MMP16: variants seen among roughly 807,000 people sequenced by gnomAD.
MMP16 encodes matrix metalloproteinase-16.
Under a neutral mutation model 67.8 loss-of-function variants are expected in MMP16, and 12 were observed. The ratio of observed to expected loss-of-function variants is 0.18; its 90% CI spans 0.11 to 0.29. The LOEUF is 0.29. Among genes scored for constraint, MMP16 ranks in the 10% least tolerant of loss-of-function variants. The pLI is 1.00. For synonymous variants in MMP16, 249 were observed against 255.9 expected, an observed-to-expected ratio of 0.97 and a Z score of 0.26; for missense variants, 475 against 765.7, an observed-to-expected ratio of 0.62 and a Z score of 4.48.
chr8:88,272,665 G>A (rs1810582670), intron 1 of MMP16, among the ~76,000 whole-genome samples: 1 of 152,214 alleles, frequency 6.6e-6, no homozygotes, highest in Non-Finnish European at 1.5e-5. Flanking sequence ...CAAGGAACGG[G>A]AAAGTGGCCA....
chr8:88,084,476 A>T (rs1353720283), intron 6 of MMP16, among the ~76,000 whole-genome samples: 1 of 152,002 alleles, frequency 6.6e-6, no homozygotes, highest in Non-Finnish European at 1.5e-5. Flanking sequence ...GGAAAAAAAA[A>T]GAAAAGAGGC....
At chr8:88,088,385 G>A (rs1193939640) in intron 6 of MMP16, among the ~76,000 whole-genome samples, 1 of 151,842 alleles carries the variant, frequency 6.6e-6, no homozygotes, top group African/African-American at 2.4e-5. Context: ...TGTGCCATAG[G>A]GAAAGACTTT....
intron 6 of MMP16, among the ~76,000 whole-genome samples, chr8:88,092,834 G>A (rs964705054): frequency 6.6e-6 from 1 of 151,656 alleles, no homozygotes; most frequent in Non-Finnish European, 1.5e-5. Context: ...TATTGTATGT[G>A]TAAGTATACC....
chr8:88,107,151 C>G (rs1191795320), intron 6 of MMP16, among the ~76,000 whole-genome samples: 3 of 151,046 alleles, frequency 2.0e-5, no homozygotes, highest in African/African-American at 7.3e-5. Flanking sequence ...AAATGTCATC[C>G]AATTTTAAAT....
Position 88,130,759 on chromosome 8 carries a change from CGTGTGTGTGT to C in MMP16, c.710-11908_710-11899del, listed in dbSNP as rs112295025. Among the ~76,000 whole-genome samples the C allele has an allele frequency of 2.6e-3, 386 of 146,752 alleles. 2 individuals are homozygous for C. The highest frequency in any genetic ancestry group is 9.3e-3 in the African/African-American group (375 of 40,250). On this transcript the variant is annotated intron_variant, in intron 4 of 9. Coordinates refer to ENST00000286614, the MANE Select transcript of MMP16 (RefSeq NM_005941.5). ...CATAACCTAAATGTCTTGTGAAATACGTGTGTGTGTGTGTGTGTGTGTGTGTGTGTGGTTT... is the reference window on the plus strand; with the variant it reads ...CATAACCTAAATGTCTTGTGAAATACGTGTGTGTGTGTGTGTGTGTGGTTT...
chr8:88,223,580 AC>A, intron 1 of MMP16, among the ~76,000 whole-genome samples: 1 of 151,272 alleles, frequency 6.6e-6, no homozygotes, highest in Admixed American at 6.6e-5. Context: ...TTCTGAGCAA[AC>A]TATGGCAAGG....
intron 2 of MMP16, among the ~76,000 whole-genome samples, chr8:88,195,498 A>G (rs1809235152): frequency 6.6e-6 from 1 of 152,228 alleles, no homozygotes; most frequent in South Asian, 2.1e-4. Context: ...AGCACTTTGT[A>G]AAATGCTGTG....
At chr8:88,157,982 C>T (rs1808542959) in intron 4 of MMP16, among the ~76,000 whole-genome samples, 1 of 152,146 alleles carries the variant, frequency 6.6e-6, no homozygotes, top group African/African-American at 2.4e-5. Context: ...TCATCCATGT[C>T]CCTACAAAGG....
chr8:88,160,585 A>C (rs183113545), intron 4 of MMP16, among the ~76,000 whole-genome samples: 19 of 152,242 alleles, frequency 1.2e-4, no homozygotes, highest in Non-Finnish European at 2.4e-4. Flanking sequence ...ATGATGAGAT[A>C]CCACCTCGCA....
rs535861182 is a variant in MMP16, at chr8:88,039,177, AAG to A, written c.*2282_*2283del. On this transcript the variant is annotated 3_prime_UTR_variant, in exon 10 of 10. Transcript: ENST00000286614. This position sits in a 1 kb window ranked among gnomAD's most constrained non-coding sequence, Gnocchi z 4.5. ...TGGAAATGTGTATTAGCAAATGAGT[AAG>A]AAATTTTTACTAGTATAAAATTCCT... 1.0e-4 allele frequency: 16 copies of A among 152,620 alleles called. No individual in the cohort carries two copies. The highest frequency in any genetic ancestry group is 2.4e-4 in the Non-Finnish European group (16 of 68,026). The allele number at this position is 152,620 out of a possible 1,614,324, so 9.5% of individuals were successfully genotyped here.
rs181821117 is a variant in MMP16, at chr8:88,102,103, C to T, written c.1083+14404G>A. Among the ~76,000 whole-genome samples, 160 of 151,902 alleles carry T rather than the reference C, an allele frequency of 1.1e-3. 3 individuals are homozygous for T. Among genetic ancestry groups the T allele is most frequent in the Non-Finnish European group, 3.5e-4 (24 of 67,870 alleles). ...AACATGGACTGTGTTTTCTGTGACC[C>T]CAAAATATGTGGAGCTTTGTCCCTA... On this transcript the variant is annotated intron_variant, in intron 6 of 9. Coordinates refer to ENST00000286614, the MANE Select transcript of MMP16 (RefSeq NM_005941.5).
intron 1 of MMP16, among the ~76,000 whole-genome samples, chr8:88,220,106 T>G (rs1484249813): frequency 1.3e-5 from 2 of 152,128 alleles, no homozygotes; most frequent in Non-Finnish European, 2.9e-5. Flanking sequence ...TAACTGATGA[T>G]TTACTTCAGA....
intron 1 of MMP16, among the ~76,000 whole-genome samples, chr8:88,312,061 A>G (rs1811303532): frequency 6.6e-6 from 1 of 152,200 alleles, no homozygotes; most frequent in African/African-American, 2.4e-5. Context: ...AGTGGTGGGA[A>G]GTAGTGTCAG....
intron 1 of MMP16, among the ~76,000 whole-genome samples, chr8:88,303,540 C>A (rs1811165166): frequency 6.6e-6 from 1 of 152,202 alleles, no homozygotes. Context: ...TCTCCAGACA[C>A]CTCCTATAGG....
At chr8:88,157,458 A>T (rs550843538) in intron 4 of MMP16, among the ~76,000 whole-genome samples, 80 of 152,082 alleles carry the variant, frequency 5.3e-4, no homozygotes, top group African/African-American at 1.8e-3. Flanking sequence ...AGGGGATGGC[A>T]TATAAATCCC....
At chr8:88,105,149 ATCTT>A (rs1427943650) in intron 6 of MMP16, among the ~76,000 whole-genome samples, 2 of 35,550 alleles carry the variant, frequency 5.6e-5, no homozygotes, top group African/African-American at 1.1e-4. Flanking sequence ...CTTTTATCTC[ATCTT>A]TTTTTTTTTT....
intron 9 of MMP16, among the ~76,000 whole-genome samples, chr8:88,042,131 T>C (rs1808141559): frequency 6.6e-6 from 1 of 152,206 alleles, no homozygotes; most frequent in Non-Finnish European, 1.5e-5. Context: ...GGATTGCTGT[T>C]ACAAAATTAC....
chr8:88,100,423 T>C (rs1398663730), intron 6 of MMP16, among the ~76,000 whole-genome samples: 1 of 151,866 alleles, frequency 6.6e-6, no homozygotes, highest in Non-Finnish European at 1.5e-5. Context: ...AAAACCACAA[T>C]GAGATACCAT....
intron 1 of MMP16, among the ~76,000 whole-genome samples, chr8:88,285,197 T>G (rs1488939179): frequency 1.3e-5 from 2 of 152,150 alleles, no homozygotes; most frequent in Non-Finnish European, 2.9e-5. Flanking sequence ...TGGACTACAA[T>G]AGCATGATCT....
Sources: allele counts gnomAD v4.1 joint callset (sites outside exome capture counted in the v4.1 genomes callset), GRCh38; gene constraint gnomAD v4.1.1; non-coding constraint Gnocchi (gnomAD v3.1); transcripts MANE v1.5; gene names NCBI Gene and HGNC (gene_info 2026-07-23, HGNC 2026-07-21).